PAM: variants seen among roughly 807,000 people sequenced by gnomAD.
PAM encodes the protein peptidylglycine alpha-amidating monooxygenase.
Under a neutral mutation model 122.1 loss-of-function variants are expected in PAM, and 72 were observed. That is an observed-to-expected ratio of 0.59 (90% CI 0.49 to 0.72). The LOEUF is 0.72. Ranked by LOEUF, PAM falls within the 30% of genes least tolerant of loss-of-function variation. The pLI is 0.00. For synonymous variants in PAM, 389 were observed against 404.4 expected (o/e 0.96, Z 0.46); for missense variants, 1,106 against 1,183.7 (o/e 0.93, Z 0.96).
chr5:102,757,690 G>T (rs1050171189), intron 1 of PAM, among the ~76,000 whole-genome samples: 2 of 152,110 alleles, frequency 1.3e-5, no homozygotes, highest in Non-Finnish European at 2.9e-5. Flanking sequence ...TAATAAGCTG[G>T]ACCTTAAGGC....
At chr5:102,803,672 C>T (rs892596898) in intron 1 of PAM, among the ~76,000 whole-genome samples, 1 of 152,164 alleles carries the variant, frequency 6.6e-6, no homozygotes, top group Admixed American at 6.5e-5. Context: ...CTTTCCCTAC[C>T]ACACTGGGTT....
At position 102,850,092 on chromosome 5, in the gene PAM, TTA is replaced by T. The variant is rs575150196; in HGVS notation, c.-373-15729_-373-15728del. Among the ~76,000 whole-genome samples, 10 of 152,354 alleles carry T rather than the reference TTA, an allele frequency of 6.6e-5. No individual in the cohort carries two copies. The East Asian group carries it at 1.9e-3, about 29-fold the overall frequency. On this transcript the variant is annotated intron_variant, in intron 1 of 25. Transcript: ENST00000438793. Reference sequence around the variant, plus strand: ...CTGAAGAACTGTGTCATGTATTTCTTTATGTTATTCCTTGTTCCCATTCATTC... The same window carrying T: ...CTGAAGAACTGTGTCATGTATTTCTTTGTTATTCCTTGTTCCCATTCATTC...
chr5:102,860,904 T>C (rs544870626), intron 1 of PAM, among the ~76,000 whole-genome samples: 1 of 152,248 alleles, frequency 6.6e-6, no homozygotes, highest in South Asian at 2.1e-4. Context: ...ACCTAGCTAT[T>C]CATGCCCTGG....
chr5:103,003,438 A>G (rs1033299534), intron 17 of PAM, among the ~76,000 whole-genome samples: 12 of 152,144 alleles, frequency 7.9e-5, no homozygotes, highest in Non-Finnish European at 1.6e-4. Context: ...TAATTGCTAA[A>G]TGAGTATATT....
At chr5:102,992,885 G>A (rs924393083) in intron 16 of PAM, among the ~76,000 whole-genome samples, 2 of 151,994 alleles carry the variant, frequency 1.3e-5, no homozygotes, top group African/African-American at 2.4e-5. Context: ...CCCATAGTTC[G>A]TAAGATGTGA....
intron 1 of PAM, among the ~76,000 whole-genome samples, chr5:102,812,364 T>C (rs748462125): frequency 6.6e-6 from 1 of 152,098 alleles, no homozygotes; most frequent in Non-Finnish European, 1.5e-5. Context: ...AGTAGCTGTA[T>C]TTTAACTTCT....
At chr5:102,899,672 CT>C (rs1300997808) in intron 3 of PAM, among the ~76,000 whole-genome samples, 1 of 151,710 alleles carries the variant, frequency 6.6e-6, no homozygotes, top group African/African-American at 2.4e-5. Context: ...AGCTCCTGCA[CT>C]TTTTGGTGTC....
At chr5:102,851,149 T>C (rs1781272341) in intron 1 of PAM, among the ~76,000 whole-genome samples, 1 of 152,210 alleles carries the variant, frequency 6.6e-6, no homozygotes, top group Non-Finnish European at 1.5e-5. Flanking sequence ...GGGATTGCTT[T>C]CCCTTAGAAT....
At chr5:102,848,508 T>C (rs1488545045) in intron 1 of PAM, among the ~76,000 whole-genome samples, 2 of 152,206 alleles carry the variant, frequency 1.3e-5, no homozygotes, top group Admixed American at 6.5e-5. Context: ...AAGACCAACT[T>C]GATGCTCAGG....
Position 102,866,175 on chromosome 5 carries a change from C to T in PAM, c.-21C>T, listed in dbSNP as rs199987135. On this transcript the variant is annotated 5_prime_UTR_variant, in exon 2 of 26. Coordinates refer to ENST00000438793, the MANE Select transcript of PAM (RefSeq NM_001177306.2). ...GCTGCGCTGCCCGGTCCTCTCCCGG[C>T]GGGGTCGTATCGGCGTGGACATGGC... 1.9e-6 allele frequency: 3 copies of T among 1,571,488 alleles called. 1 individual carries two copies. Among genetic ancestry groups the T allele is most frequent in the East Asian group, 2.2e-5 (1 of 44,684 alleles).
intron 3 of PAM, among the ~76,000 whole-genome samples, chr5:102,886,366 A>G (rs1364597381): frequency 2.0e-5 from 3 of 152,050 alleles, no homozygotes; most frequent in Non-Finnish European, 4.4e-5. Flanking sequence ...GAGTTAATTC[A>G]GGCATATATA....
Position 102,938,840 on chromosome 5 carries a change from GGTTT to G in PAM, c.527-7992_527-7989del, listed in dbSNP as rs578060981. Among the ~76,000 whole-genome samples, 17 of 152,128 alleles carry G rather than the reference GGTTT, an allele frequency of 1.1e-4. No homozygotes were observed. The East Asian group carries it at 3.1e-3, about 28-fold the overall frequency. On this transcript the variant is annotated intron_variant, in intron 7 of 25. Transcript: ENST00000438793. The stretch of plus-strand genomic sequence containing the variant: ...TCAGGGCACTCACAACACTAAACGA[GGTTT>G]GTTTTTCACTAACCACTCCCACTCC...
chr5:102,808,308 A>G (rs1215665829), intron 1 of PAM: 1 of 152,208 alleles, frequency 6.6e-6, no homozygotes, highest in African/African-American at 2.4e-5. Flanking sequence ...GCTTTCTAAG[A>G]TATACTACTG....
chr5:102,913,391 G>A (rs1802039816), intron 4 of PAM, among the ~76,000 whole-genome samples: 2 of 151,812 alleles, frequency 1.3e-5, no homozygotes, highest in African/African-American at 2.4e-5. Context: ...TCGTATTTTT[G>A]TAAAGATACA....
Position 103,006,904 on chromosome 5 carries a change from T to C in PAM, c.1907T>C (p.Val636Ala), listed in dbSNP as rs748137547. The C allele has an allele frequency of 1.2e-6, 2 of 1,613,816 alleles. No individual in the cohort carries two copies. Among genetic ancestry groups the C allele is most frequent in the South Asian group, 2.2e-5 (2 of 91,078 alleles). ...AATCACTTCTGTCAACCCACTGATGTGGCTGTGGATCCAGGCACTGGAGCC... is the reference window on the plus strand; with the variant it reads ...AATCACTTCTGTCAACCCACTGATGCGGCTGTGGATCCAGGCACTGGAGCC... ...DQNHFCQPTD[V>A]AVDPGTGAIY... The change falls in exon 19 of 26, where the codon GTG (valine) becomes GCG (alanine). Residue 636 changes from valine to alanine, a missense_variant. Physicochemically the swap from Val to Ala is moderately conservative, Grantham distance 64. This residue lies in a region of PAM where 103 missense variants were observed against 157.9 expected (regional missense o/e 0.65). Coordinates refer to ENST00000438793, the MANE Select transcript of PAM (RefSeq NM_001177306.2).
intron 17 of PAM, 98 bp from the exon 18 acceptor site, chr5:103,005,056 A>G: frequency 1.4e-6 from 1 of 701,204 alleles, no homozygotes; most frequent in Non-Finnish European, 2.6e-6. Context: ...TTATCAATTT[A>G]TAACTTTGCA....
At chr5:102,937,793 A>T (rs1050433049) in intron 7 of PAM, among the ~76,000 whole-genome samples, 1 of 152,180 alleles carries the variant, frequency 6.6e-6, no homozygotes, top group African/African-American at 2.4e-5. Flanking sequence ...TGTATGTAAC[A>T]AAGTTCATGC....
At chr5:102,905,045 AAT>A (rs1304445072) in intron 4 of PAM, among the ~76,000 whole-genome samples, 53 of 151,694 alleles carry the variant, frequency 3.5e-4, no homozygotes, top group African/African-American at 1.2e-3. Context: ...TGAAGATAAA[AAT>A]ATGTTTTATA....
intron 3 of PAM, among the ~76,000 whole-genome samples, chr5:102,878,233 G>T (rs1363922897): frequency 6.6e-6 from 1 of 151,988 alleles, no homozygotes; most frequent in African/African-American, 2.4e-5. Context: ...TCTTCATAAT[G>T]ATGTTTCAAT....
Sources: allele counts gnomAD v4.1 joint callset (sites outside exome capture counted in the v4.1 genomes callset), GRCh38; gene constraint gnomAD v4.1.1; regional missense constraint gnomAD v4.1.1; transcripts MANE v1.5; gene names NCBI Gene and HGNC (gene_info 2026-07-23, HGNC 2026-07-21).